Variants in SPTBN1 observed in about 807,000 individuals in gnomAD.
SPTBN1 encodes the protein spectrin beta, non-erythrocytic 1, also known as spectrin beta chain, non-erythrocytic 1.
In SPTBN1, 32 loss-of-function variants were observed where a neutral mutation model predicts 266.4. The observed-to-expected ratio is 0.12, with a 90% confidence interval of 0.09 to 0.16. SPTBN1 has a LOEUF of 0.16. SPTBN1 is among the 10% of genes least tolerant of loss of function. SPTBN1 has a pLI of 1.00. For missense variants in SPTBN1, 2,296 were observed against 3,067.1 expected (o/e 0.75, Z 5.94); for synonymous variants, 1,336 against 1,162.2 (o/e 1.15, Z -3.04).
At chr2:54,474,159 C>T (rs935213725) in intron 1 of SPTBN1, among the ~76,000 whole-genome samples, 3 of 152,204 alleles carry the variant, frequency 2.0e-5, no homozygotes, top group Non-Finnish European at 2.9e-5. Context: ...CTGTTGTTGG[C>T]TAGCTGAAAA....
In SPTBN1 at chr2:54,600,763, T is replaced by TA. The variant is rs1279863570; in HGVS notation, c.300+1528dup. On this transcript the variant is annotated intron_variant, in intron 3 of 35. Coordinates refer to ENST00000356805, the MANE Select transcript of SPTBN1 (RefSeq NM_003128.3). ...GGGGGAATGGTGTTTTGAAAGTAGC[T>TA]AAAAAAAATCATTAAAGGTCACATG... 2.5e-4 allele frequency among the ~76,000 whole-genome samples: 37 copies of TA among 149,950 alleles called. 1 individual carries two copies. Among genetic ancestry groups the TA allele is most frequent in the African/African-American group, 7.1e-4 (29 of 40,824 alleles).
rs1055376252 is a variant in SPTBN1 at position 54,646,536 on chromosome 2, A to G, written c.4866+61A>G. 1.4e-6 allele frequency: 2 copies of G among 1,429,520 alleles called. No homozygotes were observed. The highest frequency in any genetic ancestry group is 1.4e-5 in the African/African-American group (1 of 69,694). 88.6% of individuals were successfully genotyped at this position (1,429,520 alleles called of 1,614,324 possible). ...AGCCTCAGATTCAAACCCTGGGCACACTTTCTGCTGGCGGCTCTGTCTGTA... is the reference window on the plus strand; with the variant it reads ...AGCCTCAGATTCAAACCCTGGGCACGCTTTCTGCTGGCGGCTCTGTCTGTA... On this transcript the variant is annotated intron_variant, in intron 23 of 35. Transcript: ENST00000356805. This position sits in a 1 kb window ranked among gnomAD's most constrained non-coding sequence, Gnocchi z 4.4.
At chr2:54,618,004 A>G (rs1326429369) in intron 6 of SPTBN1, 74 bp from the exon 7 acceptor site, 1 of 1,201,900 alleles carries the variant, frequency 8.3e-7, no homozygotes, top group Non-Finnish European at 1.2e-6. Flanking sequence ...TTTTTGGAGT[A>G]ACAGTCATGT....
intron 1 of SPTBN1, among the ~76,000 whole-genome samples, chr2:54,490,354 G>A (rs965253526): frequency 2.6e-5 from 4 of 152,176 alleles, no homozygotes; most frequent in Admixed American, 6.5e-5. Flanking sequence ...GTACAGGCAA[G>A]AGCCACAGTG....
intron 1 of SPTBN1, among the ~76,000 whole-genome samples, chr2:54,478,227 A>G (rs1011909577): frequency 6.6e-5 from 10 of 151,796 alleles, no homozygotes; most frequent in Admixed American, 1.3e-4. Flanking sequence ...CGGGGAAGAG[A>G]TTTCACTCTC....
chr2:54,599,854 G>A (rs559343367), intron 3 of SPTBN1, among the ~76,000 whole-genome samples: 14 of 152,238 alleles, frequency 9.2e-5, no homozygotes, highest in Admixed American at 2.6e-4. Context: ...GAGCTGCTGC[G>A]GCCCTCTCTG....
At chr2:54,487,967 C>A (rs191987902) in intron 1 of SPTBN1, among the ~76,000 whole-genome samples, 7 of 151,346 alleles carry the variant, frequency 4.6e-5, no homozygotes, top group Non-Finnish European at 1.0e-4. Flanking sequence ...GTAGCTGGGA[C>A]TATAGGCGCC....
rs1030616523 is a variant in SPTBN1, at chr2:54,628,382, G to C, written c.1798+132G>C. 2 of 1,158,632 alleles carry C rather than the reference G, an allele frequency of 1.7e-6. No individual in the cohort carries two copies. Among genetic ancestry groups the C allele is most frequent in the Non-Finnish European group, 1.2e-6 (1 of 866,100 alleles). The allele number at this position is 1,158,632 out of a possible 1,614,324, so 71.8% of individuals were successfully genotyped here. A position where few individuals can be genotyped will look rare whatever the true frequency, so the allele number is the denominator to read the frequency against. On this transcript the variant is annotated intron_variant, in intron 13 of 35. Transcript: ENST00000356805. This position sits in a 1 kb window ranked among gnomAD's most constrained non-coding sequence, Gnocchi z 4.3. ...GGTTTGTCATGGGAGCATGAAATAC[G>C]GTGGAGTGGCCTTCTGAACACTAAC...
At chr2:54,472,269 C>G (rs939080617) in intron 1 of SPTBN1, among the ~76,000 whole-genome samples, 2 of 151,950 alleles carry the variant, frequency 1.3e-5, no homozygotes, top group African/African-American at 4.8e-5. Flanking sequence ...CCTCATAATC[C>G]GCCCGCCTGG....
intron 1 of SPTBN1, among the ~76,000 whole-genome samples, chr2:54,510,510 G>C (rs1280768595): frequency 3.9e-5 from 6 of 152,202 alleles, no homozygotes; most frequent in Admixed American, 3.9e-4. Context: ...ACAGAATTTA[G>C]TTCCCTCTAA....
At chr2:54,546,704 T>A (rs9309255) in intron 2 of SPTBN1, 45,696 of 152,056 alleles carry the variant, frequency 0.3, 8,304 homozygotes, top group East Asian at 0.44. Context: ...AGGCAGTACG[T>A]AATTTATGAG....
chr2:54,538,412 T>G (rs530779212), intron 2 of SPTBN1, among the ~76,000 whole-genome samples: 1 of 152,340 alleles, frequency 6.6e-6, no homozygotes, highest in African/African-American at 2.4e-5. Flanking sequence ...TACAGTGATA[T>G]AAGTACTCTA....
chr2:54,617,674 G>A lies in SPTBN1; in HGVS notation c.633G>A (p.Leu211=). Reference sequence around the variant, plus strand: ...GGGACGGCATGGCCTTCAATGCACTGATACACAAACACCGGTAAGTCCATA... The same window carrying A: ...GGGACGGCATGGCCTTCAATGCACTAATACACAAACACCGGTAAGTCCATA... ...SWRDGMAFNA[L]IHKHRPDLID... The change falls in exon 6 of 36, where the codon CTG becomes CTA. Residue 211 remains leucine, a synonymous_variant. Coordinates refer to ENST00000356805, the MANE Select transcript of SPTBN1 (RefSeq NM_003128.3). 1 of 1,614,070 alleles carries A rather than the reference G, an allele frequency of 6.2e-7. No individual in the cohort carries two copies.
At chr2:54,634,135 T>G (rs1421493092) in intron 17 of SPTBN1, among the ~76,000 whole-genome samples, 2 of 152,228 alleles carry the variant, frequency 1.3e-5, no homozygotes, top group African/African-American at 4.8e-5. Flanking sequence ...ACTTCCATGT[T>G]AGATGCACAC....
chr2:54,458,893 G>T (rs546353007), intron 1 of SPTBN1, among the ~76,000 whole-genome samples: 1 of 152,218 alleles, frequency 6.6e-6, no homozygotes, highest in South Asian at 2.1e-4. Context: ...CAAGTTAGTT[G>T]CTTTTGATTT....
At position 54,624,948 on chromosome 2, in the gene SPTBN1, C is replaced by T. The variant is rs1367431475; in HGVS notation, c.1327C>T (p.Arg443Cys). The change falls in exon 11 of 36, where the codon CGT becomes TGT. Residue 443 changes from arginine (R) to cysteine (C), a missense_variant. This residue lies in a region of SPTBN1 where 148 missense variants were observed against 203.8 expected (regional missense o/e 0.73). Transcript: ENST00000356805. ...MRETWLSENQRLVSQDNFGFD... is the reference protein window; with the variant it reads ...MRETWLSENQCLVSQDNFGFD... ...GGAGACTTGGCTGAGCGAAAACCAG[C>T]GTCTGGTGTCTCAGGTTCTGCTCTT... 7.5e-6 allele frequency: 12 copies of T among 1,604,438 alleles called. No homozygotes were observed. Among genetic ancestry groups the T allele is most frequent in the East Asian group, 2.2e-5 (1 of 44,690 alleles).
chr2:54,456,755 G>A (rs1456084670), intron 1 of SPTBN1, among the ~76,000 whole-genome samples: 1 of 150,854 alleles, frequency 6.6e-6, no homozygotes, highest in African/African-American at 2.4e-5. Flanking sequence ...GATGCGGGAC[G>A]AGGGGCGGCA....
chr2:54,555,377 C>T lies in SPTBN1; in HGVS notation c.148+28811C>T, dbSNP rs117901343. On this transcript the variant is annotated intron_variant, in intron 2 of 35. Transcript: ENST00000356805. ...TCTAGAAGGAAATGTGCACTTGTCC[C>T]CTGCACCCCTCTAGCCAGATGTAAA... Among the ~76,000 whole-genome samples, 30 of 152,326 alleles carry T rather than the reference C, an allele frequency of 2.0e-4. No homozygotes were observed. The East Asian group carries it at 5.2e-3, about 26-fold the overall frequency.
chr2:54,668,818 G>A lies in SPTBN1; in HGVS notation c.*249G>A, dbSNP rs927677342. The A allele has an allele frequency of 1.3e-5, 6 of 455,074 alleles. No homozygotes were observed. The highest frequency in any genetic ancestry group is 2.4e-5 in the Non-Finnish European group (6 of 251,540). The allele number at this position is 455,074 out of a possible 1,614,324, so 28.2% of individuals were successfully genotyped here. ...TTTTTTAATGAAATTATATAGATTA[G>A]ATCTCAGTATTTAAACTGTTCCTCA... On this transcript the variant is annotated 3_prime_UTR_variant, in exon 36 of 36. Coordinates refer to ENST00000356805, the MANE Select transcript of SPTBN1 (RefSeq NM_003128.3).
Sources: gnomAD v4.1 joint callset for allele counts (sites outside exome capture counted in the v4.1 genomes callset) on GRCh38, gnomAD v4.1.1 for gene constraint, gnomAD v4.1.1 regional missense constraint, Gnocchi (gnomAD v3.1) non-coding constraint, MANE v1.5 for transcripts, NCBI Gene and HGNC (gene_info 2026-07-23, HGNC 2026-07-21) for gene names.